SPRY4: variants seen among roughly 807,000 people sequenced by gnomAD.
SPRY4 encodes the protein sprouty RTK signaling antagonist 4.
SPRY4 carries 7 observed loss-of-function variants against 17.0 expected under a neutral mutation model. The observed-to-expected ratio is 0.41, with a 90% confidence interval of 0.23 to 0.77. The LOEUF (loss-of-function observed/expected upper bound fraction) is 0.77, where lower values mean the gene tolerates loss of function less well. SPRY4 is among the 30% of genes least tolerant of loss of function. SPRY4 has a pLI of 0.32. For synonymous variants in SPRY4, 183 were observed against 174.1 expected (o/e 1.05, Z -0.40); for missense variants, 435 against 419.9 (o/e 1.04, Z -0.31).
At chr5:142,319,023 G>A (rs1759255198) in intron 1 of SPRY4, among the ~76,000 whole-genome samples, 1 of 152,050 alleles carries the variant, frequency 6.6e-6, no homozygotes. Flanking sequence ...AAGCACAAAG[G>A]GTCATAGAGC....
intron 1 of SPRY4, among the ~76,000 whole-genome samples, chr5:142,318,599 C>T (rs903541692): frequency 3.9e-5 from 6 of 152,170 alleles, no homozygotes; most frequent in Admixed American, 2.0e-4. Context: ...TGCTGACAAT[C>T]TTAAGTGCAA....
chr5:142,315,020 C>A lies in SPRY4; in HGVS notation c.89G>T (p.Arg30Leu), dbSNP rs759316507. Residue 30 changes from arginine (R) to leucine (L), a missense_variant, in exon 2 of 2, where the codon CGG becomes CTG. By Grantham distance (102) the Arg-to-Leu change is moderately radical. Coordinates refer to ENST00000434127, the MANE Select transcript of SPRY4 (RefSeq NM_001127496.3). ...TAGGATGGTGAGTGGGTGCTGGAGC[C>A]GGCTGTGGGACATCCGGCTGTCAAG... ...PLLDSRMSHSRLQHPLTILPI... is the reference protein window; with the variant it reads ...PLLDSRMSHSLLQHPLTILPI... 2 of 1,613,726 alleles carry A rather than the reference C, an allele frequency of 1.2e-6. No individual in the cohort carries two copies. The highest frequency in any genetic ancestry group is 2.2e-5 in the South Asian group (2 of 91,064).
rs138879483 is a variant in SPRY4, at chr5:142,319,628, T to A, written c.-47-4473A>T. ...GAGGGAGCCAGGGCACAGAGAGTCCTAGAATACTGAATCAGCAGGATATCA... is the reference window on the plus strand; with the variant it reads ...GAGGGAGCCAGGGCACAGAGAGTCCAAGAATACTGAATCAGCAGGATATCA... On this transcript the variant is annotated intron_variant, in intron 1 of 1. Coordinates refer to ENST00000434127, the MANE Select transcript of SPRY4 (RefSeq NM_001127496.3). 13 of 1,414,818 alleles carry A rather than the reference T, an allele frequency of 9.2e-6. 2 individuals carry two copies. In the African/African-American group the frequency reaches 1.8e-4, roughly 20 times the overall value. The allele number at this position is 1,414,818 out of a possible 1,614,324, so 87.6% of individuals were successfully genotyped here.
rs1037837790 is a variant in SPRY4, at chr5:142,315,030, A to G, written c.79T>C (p.Ser27Pro). 5 of 1,613,704 alleles carry G rather than the reference A, an allele frequency of 3.1e-6. No individual in the cohort carries two copies. The highest frequency in any genetic ancestry group is 4.2e-6 in the Non-Finnish European group (5 of 1,179,986). ...AGTGGGTGCTGGAGCCGGCTGTGGG[A>G]CATCCGGCTGTCAAGAAGGGGCTGG... ...MVQPLLDSRMSHSRLQHPLTI... is the reference protein window; with the variant it reads ...MVQPLLDSRMPHSRLQHPLTI... Residue 27 changes from serine (S) to proline (P), a missense_variant, in exon 2 of 2, where the codon TCC (serine) becomes CCC (proline). Physicochemically the swap from Ser to Pro is moderately conservative, Grantham distance 74. Transcript: ENST00000434127.
chr5:142,315,082 G>A lies in SPRY4; in HGVS notation c.27C>T (p.Ala9=), dbSNP rs1413653919. The A allele has an allele frequency of 6.2e-7, 1 of 1,612,732 alleles. No homozygotes were observed. Among genetic ancestry groups the A allele is most frequent in the Admixed American group, 1.7e-5 (1 of 59,992 alleles). The stretch of plus-strand genomic sequence containing the variant: ...CCATGACTGAGTTGGGAGTCAAGGG[G>A]GCGCTCTGTGGGATCGGGGGCTCCA... MEPPIPQS[A]PLTPNSVMVQ... The change falls in exon 2 of 2, where the codon GCC becomes GCT. Residue 9 remains alanine, a synonymous_variant. Transcript: ENST00000434127.
chr5:142,313,996 C>G lies in SPRY4; in HGVS notation c.*213G>C, dbSNP rs1276910344. On this transcript the variant is annotated 3_prime_UTR_variant, in exon 2 of 2. Transcript: ENST00000434127. Reference sequence around the variant, plus strand: ...CTGTTTGACACAAAGTTTCAGGACCCTGAAAAAAAGCCCCAAAGTGCTTCT... The same window carrying G: ...CTGTTTGACACAAAGTTTCAGGACCGTGAAAAAAAGCCCCAAAGTGCTTCT... 5.1e-6 allele frequency: 3 copies of G among 593,238 alleles called. No individual in the cohort carries two copies. The allele number at this position is 593,238 out of a possible 1,614,324, so 36.7% of individuals were successfully genotyped here.
rs752984375 is a variant in SPRY4, at chr5:142,314,727, C to T, written c.382G>A (p.Ala128Thr). The T allele has an allele frequency of 8.7e-6, 14 of 1,611,006 alleles. No homozygotes were observed. The highest frequency in any genetic ancestry group is 1.2e-5 in the Non-Finnish European group (14 of 1,177,610). ...PPVADQASPR[A>T]VRIQPKVVHC... ...ACCACCTTGGGCTGGATGCGCACAGCCCTTGGTGAGGCCTGGTCAGCCACG... is the reference window on the plus strand; with the variant it reads ...ACCACCTTGGGCTGGATGCGCACAGTCCTTGGTGAGGCCTGGTCAGCCACG... The change falls in exon 2 of 2, where the codon GCT becomes ACT. Residue 128 changes from alanine (A) to threonine (T), a missense_variant. Ala to Thr is a moderately conservative substitution (Grantham distance 58). Coordinates refer to ENST00000434127, the MANE Select transcript of SPRY4 (RefSeq NM_001127496.3). The surrounding 1 kb of genome is among the most constrained non-coding windows in gnomAD (Gnocchi z 4.8).
Position 142,314,909 on chromosome 5 carries a change from G to A in SPRY4, c.200C>T (p.Thr67Ile). The A allele has an allele frequency of 6.2e-7, 1 of 1,609,284 alleles. No individual in the cohort carries two copies. The highest frequency in any genetic ancestry group is 1.7e-5 in the Admixed American group (1 of 59,850). ...SLALTTGPKR[T>I]RGGAPELAPT... ...GGCCAGCTCTGGGGCCCCGCCCCGG[G>A]TCCGCTTTGGGCCGGTGGTCAGGGC... The change falls in exon 2 of 2, where the codon ACC (threonine) becomes ATC (isoleucine). Residue 67 changes from threonine (T) to isoleucine (I), a missense_variant. Thr to Ile is a moderately conservative substitution (Grantham distance 89). Transcript: ENST00000434127. This position sits in a 1 kb window ranked among gnomAD's most constrained non-coding sequence, Gnocchi z 4.8.
In SPRY4 at chr5:142,313,362, C is replaced by G. The variant is rs1554099333; in HGVS notation, c.*847G>C. The G allele has an allele frequency of 1.3e-5, 2 of 152,642 alleles. No homozygotes were observed. Among genetic ancestry groups the G allele is most frequent in the Non-Finnish European group, 1.5e-5 (1 of 68,044 alleles). The allele number at this position is 152,642 out of a possible 1,614,324, so 9.5% of individuals were successfully genotyped here. On this transcript the variant is annotated 3_prime_UTR_variant, in exon 2 of 2. Transcript: ENST00000434127. ...GATATTTGGTCTCGCATTTGCCGCC[C>G]TGGCTTCCTCTACCCATATAAAGTT...
At chr5:142,319,866 C>G (rs1759287931) in intron 1 of SPRY4, 5 of 1,456,422 alleles carry the variant, frequency 3.4e-6, no homozygotes, top group Non-Finnish European at 4.7e-6. Flanking sequence ...CCACCCACAC[C>G]CTCCCCTTGA....
chr5:142,314,648 T>C lies in SPRY4; in HGVS notation c.461A>G (p.Lys154Arg), dbSNP rs78310959. The C allele has an allele frequency of 2.3e-3, 3,661 of 1,614,212 alleles. 6 individuals carry two copies. Among genetic ancestry groups the C allele is most frequent in the South Asian group, 2.8e-3 (258 of 91,088 alleles). ...ACAGGCCTCGCACAGCAAGAAGTGCTTGTCCAGCTCGGGTGGGACCGCCGG... is the reference window on the plus strand; with the variant it reads ...ACAGGCCTCGCACAGCAAGAAGTGCCTGTCCAGCTCGGGTGGGACCGCCGG... ...KGPAVPPELD[K>R]HFLLCEACGK... The change falls in exon 2 of 2, where the codon AAG (lysine) becomes AGG (arginine). Residue 154 changes from lysine (K) to arginine (R), a missense_variant. Transcript: ENST00000434127. This position sits in a 1 kb window ranked among gnomAD's most constrained non-coding sequence, Gnocchi z 4.8.
rs78229150 is a variant in SPRY4 at position 142,317,521 on chromosome 5, A to G, written c.-47-2366T>C. On this transcript the variant is annotated intron_variant, in intron 1 of 1. Transcript: ENST00000434127. ...ATGTAGGCAGCAGTTTGAAGCTTCT[A>G]TTGCCCCATATAGTTGGGTTTTGTC... 1,080 of 984,992 alleles carry G rather than the reference A, an allele frequency of 1.1e-3. 14 individuals carry two copies. The East Asian group carries it at 0.019, about 17-fold the overall frequency. The allele number at this position is 984,992 out of a possible 1,614,324, so 61.0% of individuals were successfully genotyped here.
chr5:142,324,153 T>A (rs1001415797), intron 1 of SPRY4: 1 of 152,008 alleles, frequency 6.6e-6, no homozygotes, highest in Admixed American at 6.5e-5. Flanking sequence ...CAAGAAAAAG[T>A]CAACTGCAAG....
rs562704204 is a variant in SPRY4 at position 142,324,970 on chromosome 5, A to C, written c.-174T>G. ...ACCGGCAAGGCTCCCTGCGCTCCAC[A>C]GCGCCAGCTCCGCGCTGTCAGCTCA... On this transcript the variant is annotated 5_prime_UTR_variant, in exon 1 of 2. Coordinates refer to ENST00000434127, the MANE Select transcript of SPRY4 (RefSeq NM_001127496.3). 1.3e-5 allele frequency: 2 copies of C among 152,814 alleles called. No individual in the cohort carries two copies. Among genetic ancestry groups the C allele is most frequent in the Non-Finnish European group, 2.9e-5 (2 of 68,046 alleles). 9.5% of individuals were successfully genotyped at this position (152,814 alleles called of 1,614,324 possible). A position where few individuals can be genotyped will look rare whatever the true frequency, so the allele number is the denominator to read the frequency against.
At chr5:142,321,690 C>A (rs1472604691) in intron 1 of SPRY4, among the ~76,000 whole-genome samples, 4 of 152,228 alleles carry the variant, frequency 2.6e-5, no homozygotes, top group Non-Finnish European at 5.9e-5. Context: ...GGCCAGATGA[C>A]AAACACTGTG....
intron 1 of SPRY4, chr5:142,317,205 A>G: frequency 1.0e-6 from 1 of 985,438 alleles, no homozygotes; most frequent in Non-Finnish European, 1.2e-6. Flanking sequence ...GCTGATGACA[A>G]CGTAGGAATT....
chr5:142,317,465 T>C (rs772776851), intron 1 of SPRY4: 66 of 985,228 alleles, frequency 6.7e-5, no homozygotes, highest in Non-Finnish European at 7.8e-5. Flanking sequence ...CAGAAACCGA[T>C]GTCAGGAATA....
intron 1 of SPRY4, chr5:142,319,631 A>G: frequency 7.0e-7 from 1 of 1,423,248 alleles, no homozygotes; most frequent in South Asian, 1.4e-5. Flanking sequence ...AGAGTCCTAG[A>G]ATACTGAATC....
chr5:142,316,023 C>A (rs1292742620), intron 1 of SPRY4, among the ~76,000 whole-genome samples: 1 of 152,164 alleles, frequency 6.6e-6, no homozygotes, highest in African/African-American at 2.4e-5. Context: ...ATTACTACCA[C>A]TTCTTAAGAG....
Sources: allele counts gnomAD v4.1 joint callset (sites outside exome capture counted in the v4.1 genomes callset), GRCh38; gene constraint gnomAD v4.1.1; non-coding constraint Gnocchi (gnomAD v3.1); transcripts MANE v1.5; gene names NCBI Gene and HGNC (gene_info 2026-07-23, HGNC 2026-07-21).